The following USP9X variants were observed in gnomAD, a reference collection of about 807,000 sequenced individuals.
The protein encoded by USP9X is ubiquitin specific peptidase 9 X-linked.
A neutral mutation model predicts 190.3 loss-of-function variants in USP9X; 7 were observed. The ratio of observed to expected loss-of-function variants is 0.04; its 90% CI spans 0.02 to 0.07. The LOEUF is 0.07. Among genes scored for constraint, USP9X ranks in the 10% least tolerant of loss-of-function variants. The pLI, the probability that USP9X is intolerant of heterozygous loss-of-function variation, is 1.00. For synonymous variants in USP9X, 645 were observed against 659.5 expected, an observed-to-expected ratio of 0.98 and a Z score of 0.34; for missense variants, 1,010 against 1,916.9, an observed-to-expected ratio of 0.53 and a Z score of 8.83.
chrX:41,194,019 G>A (rs1470619214), intron 26 of USP9X, among the ~76,000 whole-genome samples: 2 of 111,962 alleles, frequency 1.8e-5, no homozygotes, highest in Non-Finnish European at 3.8e-5. Flanking sequence ...AACCAAAGCA[G>A]TGGGAATAGC....
intron 1 of USP9X, among the ~76,000 whole-genome samples, chrX:41,120,745 G>T (rs887650913): frequency 9.1e-6 from 1 of 110,080 alleles, no homozygotes; most frequent in Non-Finnish European, 1.9e-5. Context: ...TGATCCGCCC[G>T]CCTCAGCCTC....
intron 20 of USP9X, among the ~76,000 whole-genome samples, chrX:41,170,915 C>T (rs2062719696): frequency 9.0e-6 from 1 of 111,303 alleles, no homozygotes; most frequent in Non-Finnish European, 1.9e-5. Context: ...AACAGTCATC[C>T]CTCGTATACG....
chrX:41,162,413 A>G (rs952508843), intron 14 of USP9X, among the ~76,000 whole-genome samples: 1 of 111,813 alleles, frequency 8.9e-6, no homozygotes, highest in South Asian at 3.7e-4. Flanking sequence ...CTTCATGAAA[A>G]CACCTTTCAA....
At chrX:41,088,491 A>T (rs2061929788) in intron 1 of USP9X, among the ~76,000 whole-genome samples, 1 of 112,501 alleles carries the variant, frequency 8.9e-6, no homozygotes, top group Non-Finnish European at 1.9e-5. Flanking sequence ...TTTATTTAAT[A>T]AGATCAATTT....
At chrX:41,227,493 G>C (rs1210448867) in intron 41 of USP9X, among the ~76,000 whole-genome samples, 1 of 111,850 alleles carries the variant, frequency 8.9e-6, no homozygotes, top group African/African-American at 3.2e-5. Flanking sequence ...GAATGCATTT[G>C]ATGGAGGAAA....
At chrX:41,176,917 GCAT>G (rs2062779697) in intron 21 of USP9X, among the ~76,000 whole-genome samples, 1 of 111,925 alleles carries the variant, frequency 8.9e-6, no homozygotes, top group Non-Finnish European at 1.9e-5. Context: ...TCTTTTTCCA[GCAT>G]CATCTTTTAC....
chrX:41,163,977 A>G (rs2062656809), intron 15 of USP9X, among the ~76,000 whole-genome samples: 1 of 110,550 alleles, frequency 9.0e-6, no homozygotes, highest in Non-Finnish European at 1.9e-5. Flanking sequence ...CCCAGGTACA[A>G]TTCTCCTGCC....
At chrX:41,138,217 C>A (rs776793807) in intron 6 of USP9X, among the ~76,000 whole-genome samples, 1 of 111,562 alleles carries the variant, frequency 9.0e-6, no homozygotes, top group East Asian at 2.8e-4. Context: ...CTTCTATAAG[C>A]TTTTAAAAAT....
In USP9X at chrX:41,116,302, G is replaced by C. The variant is rs943973518; in HGVS notation, c.-158-7169G>C. Reference sequence around the variant, plus strand: ...TTGTATTTGAGCATGCCTATGGAAAGTGATTGTTACTGTGTCAAATATTGA... The same window carrying C: ...TTGTATTTGAGCATGCCTATGGAAACTGATTGTTACTGTGTCAAATATTGA... On this transcript the variant is annotated intron_variant, in intron 1 of 44. Coordinates refer to ENST00000378308, the MANE Select transcript of USP9X (RefSeq NM_001039591.3). Among the ~76,000 whole-genome samples, 3 of 112,678 alleles carry C rather than the reference G, an allele frequency of 2.7e-5. No homozygotes were observed. In the Admixed American group the frequency reaches 2.8e-4, roughly 11 times the overall value.
intron 5 of USP9X, among the ~76,000 whole-genome samples, chrX:41,136,454 G>A (rs2062373980): frequency 8.9e-6 from 1 of 112,665 alleles, no homozygotes; most frequent in African/African-American, 3.2e-5. Flanking sequence ...GAGCCACTGT[G>A]CTCAGCCTGA....
chrX:41,176,058 ACT>A (rs2062772651), intron 21 of USP9X, among the ~76,000 whole-genome samples: 1 of 109,497 alleles, frequency 9.1e-6, no homozygotes, highest in African/African-American at 3.3e-5. Context: ...GCCTGGCCAA[ACT>A]CTCTTTTCTG....
intron 3 of USP9X, among the ~76,000 whole-genome samples, chrX:41,130,709 CTCTTT>C (rs1187580965): frequency 2.0e-5 from 2 of 100,407 alleles, no homozygotes; most frequent in South Asian, 4.6e-4. Context: ...TGGTCTTGAT[CTCTTT>C]TCTTTTCTTT....
chrX:41,211,859 G>A (rs1204254031), intron 33 of USP9X, among the ~76,000 whole-genome samples: 14 of 76,464 alleles, frequency 1.8e-4, no homozygotes, highest in South Asian at 1.4e-3. Context: ...CCCCCCGCCC[G>A]GCCAGCCGCC....
In USP9X at chrX:41,136,849, G is replaced by A. The variant is rs763864188; in HGVS notation, c.481G>A (p.Ala161Thr). The change falls in exon 6 of 45, where the codon GCC becomes ACC. Residue 161 changes from alanine to threonine, a missense_variant. Coordinates refer to ENST00000378308, the MANE Select transcript of USP9X (RefSeq NM_001039591.3). Reference protein sequence around the residue: ...NTHRLVELCVAKLSQDWFPLL... With the variant: ...NTHRLVELCVTKLSQDWFPLL... Reference sequence around the variant, plus strand: ...TCATCGTCTGGTGGAGCTATGTGTGGCCAAGTTGTCCCAAGACTGGTTTCC... The same window carrying A: ...TCATCGTCTGGTGGAGCTATGTGTGACCAAGTTGTCCCAAGACTGGTTTCC... 1 of 1,211,390 alleles carries A rather than the reference G, an allele frequency of 8.3e-7. No individual in the cohort carries two copies.
At chrX:41,103,895 G>T (rs2062051378) in intron 1 of USP9X, among the ~76,000 whole-genome samples, 1 of 111,070 alleles carries the variant, frequency 9.0e-6, no homozygotes, top group African/African-American at 3.3e-5. Context: ...TAACTAAAAG[G>T]GTCGTTCATT....
intron 32 of USP9X, among the ~76,000 whole-genome samples, chrX:41,206,044 C>T (rs2063092261): frequency 9.2e-6 from 1 of 109,225 alleles, no homozygotes; most frequent in Non-Finnish European, 1.9e-5. Flanking sequence ...GCACCCACCA[C>T]CACGCCTAGC....
chrX:41,193,638 T>C (rs766479476), intron 26 of USP9X, among the ~76,000 whole-genome samples: 1 of 111,931 alleles, frequency 8.9e-6, no homozygotes, highest in African/African-American at 3.2e-5. Flanking sequence ...CACTCTAGCC[T>C]GGGTGACAGA....
At chrX:41,176,651 C>T (rs2062777422) in intron 21 of USP9X, among the ~76,000 whole-genome samples, 1 of 112,214 alleles carries the variant, frequency 8.9e-6, no homozygotes, top group South Asian at 3.7e-4. Flanking sequence ...CAGGCTTCTG[C>T]TTACACATCT....
At chrX:41,176,192 A>G (rs1015758355) in intron 21 of USP9X, among the ~76,000 whole-genome samples, 8 of 111,247 alleles carry the variant, frequency 7.2e-5, no homozygotes, top group African/African-American at 2.6e-4. Context: ...TTGGGTCTCT[A>G]CCCCAGGGAC....
Sources: allele counts gnomAD v4.1 joint callset (sites outside exome capture counted in the v4.1 genomes callset), GRCh38; gene constraint gnomAD v4.1.1; transcripts MANE v1.5; gene names NCBI Gene and HGNC (gene_info 2026-07-23, HGNC 2026-07-21).